The following AAK1 variants were observed in gnomAD, a reference collection of about 807,000 sequenced individuals.
AAK1 encodes the protein AP2 associated kinase 1, also known as AP2-associated protein kinase 1.
A neutral mutation model predicts 116.0 loss-of-function variants in AAK1; 37 were observed. The observed-to-expected ratio is 0.32, with a 90% CI of 0.25 to 0.42. AAK1 has a LOEUF of 0.42. Ranked by LOEUF, AAK1 falls within the 10% of genes least tolerant of loss-of-function variation. The pLI, the probability that AAK1 is intolerant of heterozygous loss-of-function variation, is 1.00. For synonymous variants in AAK1, 458 were observed against 439.9 expected (o/e 1.04, Z -0.51); for missense variants, 919 against 1,170.6 (o/e 0.79, Z 3.14).
chr2:69,521,062 C>G, intron 10 of AAK1, 74 bp from the exon 11 acceptor site: 1 of 1,522,514 alleles, frequency 6.6e-7, no homozygotes, highest in Non-Finnish European at 9.1e-7. Flanking sequence ...GGACACAATG[C>G]TTCCGCTTCC....
At chr2:69,604,317 G>A (rs4852867) in intron 2 of AAK1, among the ~76,000 whole-genome samples, 59,874 of 152,006 alleles carry the variant, frequency 0.39, 13,328 homozygotes, top group East Asian at 0.73. Context: ...ATGAACTTCT[G>A]TGATTTAGCT....
At chr2:69,484,176 G>A (rs189223044) in intron 17 of AAK1, among the ~76,000 whole-genome samples, 115 of 152,290 alleles carry the variant, frequency 7.6e-4, no homozygotes, top group African/African-American at 2.5e-3. Context: ...GTCCAAGAAC[G>A]TGTATATAAC....
chr2:69,592,701 ATTCAATAAAGT>A (rs1673084943), intron 2 of AAK1, among the ~76,000 whole-genome samples: 1 of 152,240 alleles, frequency 6.6e-6, no homozygotes, highest in Non-Finnish European at 1.5e-5. Context: ...GTTACACAAA[ATTCAATAAAGT>A]TCTACCCTGA....
intron 2 of AAK1, among the ~76,000 whole-genome samples, chr2:69,568,893 G>T (rs59943503): frequency 0.029 from 4,364 of 152,118 alleles, 297 homozygotes; most frequent in East Asian, 0.18. Flanking sequence ...CCTAGGTCGT[G>T]GTCCTTCAAT....
chr2:69,467,218 C>G lies in AAK1; in HGVS notation c.*8651G>C. The G allele has an allele frequency of 1.0e-6, 1 of 985,378 alleles. No individual in the cohort carries two copies. Among genetic ancestry groups the G allele is most frequent in the Non-Finnish European group, 1.2e-6 (1 of 829,918 alleles). The allele number at this position is 985,378 out of a possible 1,614,324, so 61.0% of individuals were successfully genotyped here. ...GCCCCAGAATTTTGTTTTCAGTCTTCTAAGTTCATAAAGATCTCCTCTGCT... is the reference window on the plus strand; with the variant it reads ...GCCCCAGAATTTTGTTTTCAGTCTTGTAAGTTCATAAAGATCTCCTCTGCT... On this transcript the variant is annotated 3_prime_UTR_variant, in exon 22 of 22. Transcript: ENST00000409085.
chr2:69,475,668 C>T lies in AAK1; in HGVS notation c.*201G>A. ...AACACAGCAAACTAACAAGGAGGAA[C>T]TGGCCAAGGAATATCTGGAGGGCCA... On this transcript the variant is annotated 3_prime_UTR_variant, in exon 22 of 22. Transcript: ENST00000409085. The T allele has an allele frequency of 7.4e-7, 1 of 1,360,162 alleles. No individual in the cohort carries two copies. Among genetic ancestry groups the T allele is most frequent in the Non-Finnish European group, 9.5e-7 (1 of 1,056,136 alleles). 84.3% of individuals were successfully genotyped at this position (1,360,162 alleles called of 1,614,324 possible).
chr2:69,492,650 G>A (rs904101258), intron 17 of AAK1, among the ~76,000 whole-genome samples: 2 of 149,892 alleles, frequency 1.3e-5, no homozygotes, highest in African/African-American at 2.5e-5. Flanking sequence ...AGTCTCCCGA[G>A]TACCTGCAAG....
chr2:69,587,470 T>C (rs761638014), intron 2 of AAK1, among the ~76,000 whole-genome samples: 1 of 146,064 alleles, frequency 6.8e-6, no homozygotes, highest in Admixed American at 7.1e-5. Context: ...TGTATATATA[T>C]ATATATATTT....
Position 69,514,545 on chromosome 2 carries a change from T to C in AAK1, c.1702A>G (p.Thr568Ala). ...TGGGGCTGCTGTCCTGCTGCCATAG[T>C]GGGCTTTTGCTGCAAGGCAGCCTGC... ...TQQAALQQKP[T>A]MAAGQQPQPQ... is the part of the protein sequence containing the mutation. The change falls in exon 13 of 22, where the codon ACT becomes GCT. Residue 568 changes from threonine to alanine, a missense_variant. Transcript: ENST00000409085. The C allele has an allele frequency of 6.4e-7, 1 of 1,553,710 alleles. No homozygotes were observed. The highest frequency in any genetic ancestry group is 1.4e-5 in the African/African-American group (1 of 73,264).
At chr2:69,492,756 T>G (rs1212792961) in intron 17 of AAK1, among the ~76,000 whole-genome samples, 1 of 151,866 alleles carries the variant, frequency 6.6e-6, no homozygotes, top group Non-Finnish European at 1.5e-5. Flanking sequence ...ACTCCTGACC[T>G]CAGGTGATCC....
At chr2:69,565,424 A>C (rs1222264730) in intron 2 of AAK1, among the ~76,000 whole-genome samples, 1 of 152,260 alleles carries the variant, frequency 6.6e-6, no homozygotes, top group East Asian at 1.9e-4. Flanking sequence ...GGGCCTGTGA[A>C]GTCAGCAGGT....
chr2:69,462,825 C>CA lies in AAK1; in HGVS notation c.*13043dup, dbSNP rs1003277922. 9 of 152,294 alleles carry CA rather than the reference C, an allele frequency of 5.9e-5. No homozygotes were observed. The East Asian group carries it at 1.2e-3, about 20-fold the overall frequency. 9.4% of individuals were successfully genotyped at this position (152,294 alleles called of 1,614,324 possible). A position where few individuals can be genotyped will look rare whatever the true frequency, so the allele number is the denominator to read the frequency against. On this transcript the variant is annotated 3_prime_UTR_variant, in exon 22 of 22. Coordinates refer to ENST00000409085, the MANE Select transcript of AAK1 (RefSeq NM_014911.5). ...TCCACGTGCATTAGCCGAAATTATT[C>CA]ATTCAACTAGAAAGACAATTTTGCA...
chr2:69,531,822 G>C, intron 6 of AAK1: 1 of 1,257,518 alleles, frequency 8.0e-7, no homozygotes, highest in African/African-American at 1.5e-5. Context: ...CTGATAAAGT[G>C]CTCTAAGAGT....
chr2:69,580,454 C>A (rs919028503), intron 2 of AAK1, among the ~76,000 whole-genome samples: 1 of 152,050 alleles, frequency 6.6e-6, no homozygotes, highest in Admixed American at 6.6e-5. Flanking sequence ...GGGAGCTGCA[C>A]GGAAACCATA....
intron 10 of AAK1, among the ~76,000 whole-genome samples, chr2:69,523,352 G>T (rs1355212419): frequency 1.3e-5 from 2 of 152,206 alleles, no homozygotes; most frequent in Admixed American, 6.5e-5. Context: ...AACAAGTTTT[G>T]TTTGTTAAGC....
rs548933556 is a variant in AAK1, at chr2:69,556,839, A to T, written c.282+21T>A. On this transcript the variant is annotated intron_variant, in intron 3 of 21. Coordinates refer to ENST00000409085, the MANE Select transcript of AAK1 (RefSeq NM_014911.5). ...CTCTGCCTCCATTTTAAACAGTCCC[A>T]AGTCCAAGGGGCAGCCTTACCATTA... 3 of 1,579,638 alleles carry T rather than the reference A, an allele frequency of 1.9e-6. No individual in the cohort carries two copies. The Middle Eastern group carries it at 5.0e-4, about 263-fold the overall frequency.
In AAK1 at chr2:69,462,959, C is replaced by G. The variant is rs1311295851; in HGVS notation, c.*12910G>C. On this transcript the variant is annotated 3_prime_UTR_variant, in exon 22 of 22. Coordinates refer to ENST00000409085, the MANE Select transcript of AAK1 (RefSeq NM_014911.5). ...ACATAGGTTTCTGGCACAGTTGAAA[C>G]CTTAGTTGGAAAACCAAACCTTGGC... 1 of 152,198 alleles carries G rather than the reference C, an allele frequency of 6.6e-6. No individual in the cohort carries two copies. The highest frequency in any genetic ancestry group is 1.5e-5 in the Non-Finnish European group (1 of 68,026). 9.4% of individuals were successfully genotyped at this position (152,198 alleles called of 1,614,324 possible).
chr2:69,643,494 C>CGCCGACCCTCCCGGGCACT (rs2105283500), intron 1 of AAK1, 81 bp downstream of exon 1: 1 of 1,218,364 alleles, frequency 8.2e-7, no homozygotes, highest in South Asian at 4.2e-5. Context: ...GCTCCGGCAG[C>CGCCGACCCTCCCGGGCACT]GCCGACCCTC....
intron 5 of AAK1, among the ~76,000 whole-genome samples, chr2:69,537,490 G>A (rs1187359649): frequency 8.5e-5 from 13 of 152,048 alleles, no homozygotes; most frequent in African/African-American, 3.1e-4. Context: ...GGCCTGGCCC[G>A]TGCTCTTTCC....
Sources: allele counts gnomAD v4.1 joint callset (sites outside exome capture counted in the v4.1 genomes callset), GRCh38; gene constraint gnomAD v4.1.1; transcripts MANE v1.5; gene names NCBI Gene and HGNC (gene_info 2026-07-23, HGNC 2026-07-21).